Variants in NUP88 observed in about 807,000 individuals in gnomAD.
The protein encoded by NUP88 is nucleoporin 88, also known as nuclear pore complex protein Nup88.
NUP88 carries 57 observed loss-of-function variants against 93.9 expected under a neutral mutation model. That is an observed-to-expected ratio of 0.61 (90% CI 0.49 to 0.76). The LOEUF is 0.76. Among genes scored for constraint, NUP88 ranks in the 30% least tolerant of loss-of-function variants. The pLI, the probability that NUP88 is intolerant of heterozygous loss-of-function variation, is 0.00. For missense variants in NUP88, 911 were observed against 901.0 expected (o/e 1.01, Z -0.14); for synonymous variants, 346 against 336.8 (o/e 1.03, Z -0.30).
intron 7 of NUP88, 25 bp from the exon 8 acceptor site, chr17:5,399,675 C>G (rs1273531718): frequency 7.6e-7 from 1 of 1,315,652 alleles, no homozygotes; most frequent in East Asian, 2.4e-5. Context: ...ATTAATGATA[C>G]AAAGGTAGCC....
intron 9 of NUP88, 78 bp from the exon 10 acceptor site, chr17:5,391,740 G>A (rs149382078): frequency 0.011 from 12,654 of 1,129,420 alleles, 92 homozygotes; most frequent in Non-Finnish European, 0.014. Flanking sequence ...ACAGGTCCGC[G>A]GCCTTCTCAG....
chr17:5,409,143 G>A lies in NUP88; in HGVS notation c.681-234C>T, dbSNP rs1217140825. ...AATCCCAGCAATTTGGGAGGCCGAG[G>A]TGGGTGGATCACCTGAGGTCAGGAG... On this transcript the variant is annotated intron_variant, in intron 4 of 16. Transcript: ENST00000573584. Among the ~76,000 whole-genome samples, 9 of 152,138 alleles carry A rather than the reference G, an allele frequency of 5.9e-5. No homozygotes were observed. The South Asian group carries it at 6.2e-4, about 10-fold the overall frequency.
Position 5,387,790 on chromosome 17 carries a change from C to G in NUP88, c.1758G>C (p.Glu586Asp). Residue 586 changes from glutamate to aspartate, a missense_variant, in exon 12 of 17, where the codon GAG becomes GAC. Coordinates refer to ENST00000573584, the MANE Select transcript of NUP88 (RefSeq NM_002532.6). ...ACAGGACATCATACCTCCGCTGAAT[C>G]TCCTCCTTTGCCAAGTCCTGTTTGA... is the stretch of plus-strand genomic sequence containing the variant. ...YILKQDLAKE[E>D]IQRRVKLLCD... is the part of the protein sequence containing the mutation. The G allele has an allele frequency of 6.2e-7, 1 of 1,612,260 alleles. No individual in the cohort carries two copies. The highest frequency in any genetic ancestry group is 8.5e-7 in the Non-Finnish European group (1 of 1,179,304).
intron 16 of NUP88, 117 bp from the exon 17 acceptor site, chr17:5,386,386 GC>G: frequency 1.2e-6 from 1 of 823,036 alleles, no homozygotes; most frequent in South Asian, 1.7e-5. Flanking sequence ...AAAATTAACA[GC>G]TGAAGGTTTC....
rs148871718 is a variant in NUP88 at position 5,385,491 on chromosome 17, C to G, written c.*715G>C. 4.3e-6 allele frequency: 1 copy of G among 230,596 alleles called. No homozygotes were observed. The highest frequency in any genetic ancestry group is 6.2e-5 in the East Asian group (1 of 16,212). 14.3% of individuals were successfully genotyped at this position (230,596 alleles called of 1,614,324 possible). On this transcript the variant is annotated 3_prime_UTR_variant, in exon 17 of 17. Transcript: ENST00000573584. Reference sequence around the variant, plus strand: ...ATATAGTAGTACCTTTCAGAACTCACATTGGCAAGTGTAAAAAGATGACTT... The same window carrying G: ...ATATAGTAGTACCTTTCAGAACTCAGATTGGCAAGTGTAAAAAGATGACTT...
intron 7 of NUP88, among the ~76,000 whole-genome samples, chr17:5,402,912 T>C (rs1410008971): frequency 1.3e-5 from 2 of 152,082 alleles, no homozygotes; most frequent in East Asian, 1.9e-4. Flanking sequence ...GAGGATTGCT[T>C]GAGCCTGGGA....
rs149641648 is a variant in NUP88, at chr17:5,415,640, G to C, written c.467+873C>G. Among the ~76,000 whole-genome samples the C allele has an allele frequency of 5.5e-4, 83 of 152,200 alleles. 1 individual carries two copies. Among genetic ancestry groups the C allele is most frequent in the African/African-American group, 1.9e-3 (81 of 41,548 alleles). On this transcript the variant is annotated intron_variant, in intron 2 of 16. Transcript: ENST00000573584. ...CAACATAAACTGAGGAGCTCCTTAC[G>C]ACTTATGATGGGGTTACCCATCATA...
chr17:5,408,762 A>G lies in NUP88; in HGVS notation c.828T>C (p.Thr276=), dbSNP rs745345515. 2 of 1,610,102 alleles carry G rather than the reference A, an allele frequency of 1.2e-6. No homozygotes were observed. Among genetic ancestry groups the G allele is most frequent in the Admixed American group, 3.4e-5 (2 of 58,868 alleles). ...GTAACAGACTGATGTATGTCAGGAA[A>G]GTCTCTCCATTTTCATATAAGATGT... ...PLYILYENGE[T]FLTYISLLHS... Residue 276 remains threonine, a synonymous_variant, in exon 5 of 17, where the codon ACT becomes ACC. Coordinates refer to ENST00000573584, the MANE Select transcript of NUP88 (RefSeq NM_002532.6).
At chr17:5,390,717 T>A (rs1014314527) in intron 10 of NUP88, among the ~76,000 whole-genome samples, 7 of 139,634 alleles carry the variant, frequency 5.0e-5, no homozygotes, top group Admixed American at 7.1e-5. Context: ...TTTTTTTTTT[T>A]AAAAGACACA....
chr17:5,418,427 T>C (rs1190751091), intron 1 of NUP88, among the ~76,000 whole-genome samples: 1 of 152,068 alleles, frequency 6.6e-6, no homozygotes, highest in East Asian at 2.0e-4. Context: ...CTAATTTTTG[T>C]ATTTTTAGTA....
chr17:5,387,303 T>C (rs1398099382), intron 14 of NUP88, 83 bp downstream of exon 14: 2 of 1,314,352 alleles, frequency 1.5e-6, no homozygotes, highest in East Asian at 4.6e-5. Context: ...TCCGTAGGTA[T>C]GTAAGCACCT....
intron 8 of NUP88, among the ~76,000 whole-genome samples, chr17:5,398,943 C>CA (rs1912967155): frequency 7.0e-6 from 1 of 143,480 alleles, no homozygotes; most frequent in Admixed American, 7.3e-5. Flanking sequence ...GGCTGGAGTG[C>CA]AGTGGCGTGA....
intron 8 of NUP88, among the ~76,000 whole-genome samples, chr17:5,396,606 T>G (rs1214615903): frequency 6.6e-6 from 1 of 152,206 alleles, no homozygotes; most frequent in Non-Finnish European, 1.5e-5. Context: ...CATGTACCAG[T>G]ATTTGTGTGG....
intron 10 of NUP88, 25 bp downstream of exon 10, chr17:5,391,536 G>A: frequency 6.4e-7 from 1 of 1,561,760 alleles, no homozygotes; most frequent in Non-Finnish European, 8.8e-7. Context: ...CAAGAGCTGT[G>A]TGGAGAATAT....
At chr17:5,410,405 C>A (rs988452258) in intron 4 of NUP88, among the ~76,000 whole-genome samples, 3 of 152,058 alleles carry the variant, frequency 2.0e-5, no homozygotes, top group Non-Finnish European at 4.4e-5. Context: ...AACATCAATG[C>A]AAGATATTAT....
intron 7 of NUP88, 41 bp downstream of exon 7, chr17:5,404,058 A>C (rs1394220390): frequency 6.3e-7 from 1 of 1,592,760 alleles, no homozygotes; most frequent in African/African-American, 1.3e-5. Context: ...CTTAGTATAA[A>C]AATCATGGGA....
chr17:5,413,965 G>A (rs1442664186), intron 3 of NUP88, 44 bp downstream of exon 3: 4 of 1,602,412 alleles, frequency 2.5e-6, no homozygotes, highest in East Asian at 4.5e-5. Flanking sequence ...CAGAAACAGA[G>A]CTTTCCCACT....
chr17:5,389,764 AG>A, intron 10 of NUP88, among the ~76,000 whole-genome samples: 1 of 133,112 alleles, frequency 7.5e-6, no homozygotes, highest in African/African-American at 2.9e-5. Flanking sequence ...TGACAGAGCA[AG>A]ACTCTGTCTC....
chr17:5,386,170 G>A lies in NUP88; in HGVS notation c.*36C>T. 1 of 1,519,190 alleles carries A rather than the reference G, an allele frequency of 6.6e-7. No homozygotes were observed. The highest frequency in any genetic ancestry group is 9.1e-7 in the Non-Finnish European group (1 of 1,104,958). The allele number at this position is 1,519,190 out of a possible 1,614,324, so 94.1% of individuals were successfully genotyped here. ...ACAATATGGGTTTAAGCCTTCAATG[G>A]TGTTCAGTTCAGGTGTGAGTCAGCT... On this transcript the variant is annotated 3_prime_UTR_variant, in exon 17 of 17. Transcript: ENST00000573584.
Sources: allele counts gnomAD v4.1 joint callset (sites outside exome capture counted in the v4.1 genomes callset), GRCh38; gene constraint gnomAD v4.1.1; transcripts MANE v1.5; gene names NCBI Gene and HGNC (gene_info 2026-07-23, HGNC 2026-07-21).